The following ANO4 variants were observed in gnomAD, a reference collection of about 807,000 sequenced individuals.
ANO4 encodes the protein anoctamin-4.
In ANO4, 69 loss-of-function variants were observed where a neutral mutation model predicts 141.9. That is an observed-to-expected ratio of 0.49 (90% CI 0.40 to 0.59). ANO4 has a LOEUF of 0.59. ANO4 is among the 20% of genes least tolerant of loss of function. The pLI, the probability that ANO4 is intolerant of heterozygous loss-of-function variation, is 0.00. For synonymous variants in ANO4, 350 were observed against 394.3 expected (o/e 0.89, Z 1.33); for missense variants, 894 against 1,162.2 (o/e 0.77, Z 3.36).
intron 3 of ANO4, among the ~76,000 whole-genome samples, chr12:100,763,055 A>T (rs2032942288): frequency 6.6e-6 from 1 of 152,164 alleles, no homozygotes; most frequent in Non-Finnish European, 1.5e-5. Flanking sequence ...AACCTAGTAA[A>T]TGGGTGAGCA....
intron 2 of ANO4, among the ~76,000 whole-genome samples, chr12:100,739,661 T>G (rs2031776926): frequency 6.6e-6 from 1 of 152,190 alleles, no homozygotes; most frequent in African/African-American, 2.4e-5. Context: ...TAGCATGCGC[T>G]TAATAAACAT....
intron 1 of ANO4, among the ~76,000 whole-genome samples, chr12:100,727,569 T>A (rs2031185136): frequency 6.6e-6 from 1 of 152,200 alleles, no homozygotes; most frequent in African/African-American, 2.4e-5. Flanking sequence ...AGGTTTTAGA[T>A]GTTTCTCTTA....
At chr12:100,958,978 C>T (rs991275842) in intron 5 of ANO4, among the ~76,000 whole-genome samples, 1 of 152,068 alleles carries the variant, frequency 6.6e-6, no homozygotes, top group African/African-American at 2.4e-5. Flanking sequence ...GGTGGGGGCT[C>T]ACTGAAGGTG....
rs377385548 is a variant in ANO4, at chr12:100,721,852, A to ATT, written c.22+4323_22+4324dup. 8.7e-3 allele frequency among the ~76,000 whole-genome samples: 1,160 copies of ATT among 133,492 alleles called. 15 individuals are homozygous for ATT. The highest frequency in any genetic ancestry group is 0.029 in the African/African-American group (1,055 of 36,462). 87.6% of individuals were successfully genotyped at this position (133,492 alleles called of 152,430 possible). On this transcript the variant is annotated intron_variant, in intron 1 of 29. Transcript: ENST00000644049. ...GGTCACCATGCCAGGCTAACTTTTAATTTTTTTTTTTTTTTTTTTAAGTAG... is the reference window on the plus strand; with the variant it reads ...GGTCACCATGCCAGGCTAACTTTTAATTTTTTTTTTTTTTTTTTTTTAAGTAG...
chr12:100,758,536 C>G (rs946593811), intron 3 of ANO4, among the ~76,000 whole-genome samples: 2 of 152,144 alleles, frequency 1.3e-5, no homozygotes, highest in Non-Finnish European at 2.9e-5. Context: ...ATTTGTTATT[C>G]TCTTAAATGT....
At chr12:100,847,740 GGATTA>G in intron 1 of ANO4, among the ~76,000 whole-genome samples, 1 of 152,166 alleles carries the variant, frequency 6.6e-6, no homozygotes, top group African/African-American at 2.4e-5. Flanking sequence ...CAAAGTGCTG[GGATTA>G]CAGGCGTGAG....
In ANO4 at chr12:100,942,395, A is replaced by G; in HGVS notation, c.316A>G (p.Lys106Glu). The change falls in exon 5 of 28, where the codon AAA (lysine) becomes GAA (glutamate). Residue 106 changes from lysine to glutamate, a missense_variant. By Grantham distance (56) the Lys-to-Glu change is moderately conservative. Coordinates refer to ENST00000392977, the MANE Select transcript of ANO4 (RefSeq NM_001286615.2). Reference protein sequence around the residue: ...AGGETVPERNKSNGLYFRDGK... With the variant: ...AGGETVPERNESNGLYFRDGK... Reference sequence around the variant, plus strand: ...TGTGCAGACAGTGCCAGAAAGAAACAAATCAAATGGACTTTACTTTCGAGA... The same window carrying G: ...TGTGCAGACAGTGCCAGAAAGAAACGAATCAAATGGACTTTACTTTCGAGA... The G allele has an allele frequency of 6.2e-7, 1 of 1,613,930 alleles. No individual in the cohort carries two copies. The highest frequency in any genetic ancestry group is 8.5e-7 in the Non-Finnish European group (1 of 1,179,934).
At chr12:101,028,797 C>T (rs1423339607) in intron 9 of ANO4, among the ~76,000 whole-genome samples, 1 of 152,168 alleles carries the variant, frequency 6.6e-6, no homozygotes, top group Non-Finnish European at 1.5e-5. Context: ...CCTAGGAAGA[C>T]AGGCCAATAT....
chr12:100,928,097 T>C (rs1216264914), intron 3 of ANO4, among the ~76,000 whole-genome samples: 2 of 151,816 alleles, frequency 1.3e-5, no homozygotes, highest in African/African-American at 4.8e-5. Flanking sequence ...TCTTTAGCCC[T>C]GATTTCCAAT....
At chr12:101,041,002 T>A (rs1415093742) in intron 11 of ANO4, among the ~76,000 whole-genome samples, 4 of 152,332 alleles carry the variant, frequency 2.6e-5, no homozygotes, top group African/African-American at 7.2e-5. Context: ...TGTTTTTTTT[T>A]AACTATCTAT....
At chr12:100,972,100 A>G (rs1376174107) in intron 6 of ANO4, among the ~76,000 whole-genome samples, 1 of 152,232 alleles carries the variant, frequency 6.6e-6, no homozygotes, top group Non-Finnish European at 1.5e-5. Context: ...ATGCCAAGAT[A>G]TGTGGGTCTT....
Position 101,126,887 on chromosome 12 carries a change from G to A in ANO4, c.2685G>A (p.Val895=). 1.2e-6 allele frequency: 2 copies of A among 1,613,866 alleles called. No individual in the cohort carries two copies. Among genetic ancestry groups the A allele is most frequent in the Non-Finnish European group, 8.5e-7 (1 of 1,179,824 alleles). Reference sequence around the variant, plus strand: ...ATTCTCCTCTGTTTTAGCACCTCGTGTTTTGTATAAAGCACCTCATTTCAT... The same window carrying A: ...ATTCTCCTCTGTTTTAGCACCTCGTATTTTGTATAAAGCACCTCATTTCAT... ...LAFIIVFEHL[V]FCIKHLISYL... is the part of the protein sequence containing the mutation. The change falls in exon 27 of 28, where the codon GTG becomes GTA. Residue 895 remains valine, a synonymous_variant. Coordinates refer to ENST00000392977, the MANE Select transcript of ANO4 (RefSeq NM_001286615.2).
intron 18 of ANO4, 144 bp downstream of exon 18, chr12:101,094,436 G>A (rs193250322): frequency 1.3e-5 from 7 of 556,122 alleles, no homozygotes; most frequent in African/African-American, 1.9e-5. Flanking sequence ...GCCTTCAACA[G>A]AATAATTTAA....
rs565048998 is a variant in ANO4, at chr12:100,765,655, T to C, written c.358+25550T>C. Among the ~76,000 whole-genome samples the C allele has an allele frequency of 2.6e-5, 4 of 151,014 alleles. No individual in the cohort carries two copies. The East Asian group carries it at 7.7e-4, about 29-fold the overall frequency. On this transcript the variant is annotated intron_variant, in intron 3 of 29. Transcript: ENST00000644049. ...CCTCCCAGAATGCTAGGAATTCAGATGTGAGCTACCACGCCTGGCCTTTGT... is the reference window on the plus strand; with the variant it reads ...CCTCCCAGAATGCTAGGAATTCAGACGTGAGCTACCACGCCTGGCCTTTGT...
intron 9 of ANO4, 117 bp from the exon 10 acceptor site, chr12:101,036,978 T>C (rs1019985361): frequency 3.0e-6 from 3 of 989,476 alleles, no homozygotes; most frequent in Non-Finnish European, 1.5e-6. Context: ...TTGGTGCCCC[T>C]AAGAGGGTTG....
At chr12:101,051,993 A>G (rs1356740790) in intron 14 of ANO4, among the ~76,000 whole-genome samples, 1 of 152,194 alleles carries the variant, frequency 6.6e-6, no homozygotes, top group Non-Finnish European at 1.5e-5. Context: ...TAAAGAAAAC[A>G]AATGCACTCT....
At chr12:101,058,683 G>A (rs1226861080) in intron 14 of ANO4, among the ~76,000 whole-genome samples, 2 of 152,092 alleles carry the variant, frequency 1.3e-5, no homozygotes, top group Non-Finnish European at 2.9e-5. Flanking sequence ...TGGTGTATAA[G>A]AATGCTTGTG....
At chr12:100,939,584 T>C in intron 4 of ANO4, 133 bp downstream of exon 4, 1 of 994,440 alleles carries the variant, frequency 1.0e-6, no homozygotes, top group East Asian at 2.7e-5. Flanking sequence ...ACAGGTTTTA[T>C]ATTCCTTTGA....
Position 100,768,141 on chromosome 12 carries a change from G to A in ANO4, c.358+28036G>A, listed in dbSNP as rs116420680. ...GGTTTGGCACTGGCATAGGCCTGGG[G>A]CATGAGTTCATGAAAACAAGCTTGG... On this transcript the variant is annotated intron_variant, in intron 3 of 29. Coordinates refer to the ANO4 transcript ENST00000644049. Among the ~76,000 whole-genome samples, 1,217 of 152,306 alleles carry A rather than the reference G, an allele frequency of 8.0e-3. 18 individuals are homozygous for A. Among genetic ancestry groups the A allele is most frequent in the African/African-American group, 0.027 (1,141 of 41,558 alleles).
Sources: allele counts gnomAD v4.1 joint callset (sites outside exome capture counted in the v4.1 genomes callset), GRCh38; gene constraint gnomAD v4.1.1; transcripts MANE v1.5; gene names NCBI Gene and HGNC (gene_info 2026-07-23, HGNC 2026-07-21).